TMEM132C: variants seen among roughly 807,000 people sequenced by gnomAD.
The protein encoded by TMEM132C is transmembrane protein 132C, also known as protein phosphatase 1, regulatory subunit 152.
A neutral mutation model predicts 61.4 loss-of-function variants in TMEM132C; 29 were observed. That is an observed-to-expected ratio of 0.47 (90% CI 0.35 to 0.64). The LOEUF is 0.64. Among genes scored for constraint, TMEM132C ranks in the 30% least tolerant of loss-of-function variants. TMEM132C has a pLI of 0.00. For synonymous variants in TMEM132C, 656 were observed against 633.1 expected (o/e 1.04, Z -0.54); for missense variants, 1,408 against 1,476.9 (o/e 0.95, Z 0.76).
intron 3 of TMEM132C, among the ~76,000 whole-genome samples, chr12:128,557,906 G>A (rs1874381654): frequency 6.6e-6 from 1 of 152,214 alleles, no homozygotes; most frequent in African/African-American, 2.4e-5. Flanking sequence ...ACTCCACAAA[G>A]CAATATGGCG....
At chr12:128,655,032 T>C (rs7959163) in intron 4 of TMEM132C, among the ~76,000 whole-genome samples, 50,116 of 151,934 alleles carry the variant, frequency 0.33, 11,108 homozygotes, top group African/African-American at 0.63. Context: ...TTGTTAGTGT[T>C]GTCATCAGCA....
intron 2 of TMEM132C, among the ~76,000 whole-genome samples, chr12:128,418,568 A>G (rs1868863530): frequency 6.6e-6 from 1 of 152,230 alleles, no homozygotes; most frequent in Admixed American, 6.5e-5. Flanking sequence ...TTAAATAATT[A>G]CAGATTTGTA....
chr12:128,275,035 A>C (rs1023565182), intron 1 of TMEM132C, among the ~76,000 whole-genome samples: 2 of 152,214 alleles, frequency 1.3e-5, no homozygotes, highest in African/African-American at 4.8e-5. Context: ...TACTAAAAGA[A>C]GGTGTGATGG....
intron 1 of TMEM132C, among the ~76,000 whole-genome samples, chr12:128,343,152 G>A (rs1043242462): frequency 6.6e-6 from 1 of 152,032 alleles, no homozygotes; most frequent in Non-Finnish European, 1.5e-5. Context: ...GTGGCCAGGT[G>A]CGATGGCTCA....
chr12:128,544,718 A>C (rs368442825), intron 3 of TMEM132C, among the ~76,000 whole-genome samples: 1 of 152,350 alleles, frequency 6.6e-6, no homozygotes. Flanking sequence ...ATTTCCTTCC[A>C]GGGTGTTATA....
chr12:128,452,578 TGGG>T (rs1409863339), intron 2 of TMEM132C, among the ~76,000 whole-genome samples: 1 of 74,620 alleles, frequency 1.3e-5, no homozygotes, highest in African/African-American at 5.4e-5. Flanking sequence ...CTGCTGTTGG[TGGG>T]GGGGTTGTAG....
chr12:128,382,124 G>T (rs574961002), intron 1 of TMEM132C, among the ~76,000 whole-genome samples: 1 of 151,098 alleles, frequency 6.6e-6, no homozygotes. Flanking sequence ...ACCCACTGCC[G>T]CTCTGTAATA....
chr12:128,457,288 T>C (rs2136064214), intron 2 of TMEM132C, among the ~76,000 whole-genome samples: 1 of 149,680 alleles, frequency 6.7e-6, no homozygotes, highest in South Asian at 2.1e-4. Flanking sequence ...TCATCAAAAT[T>C]TGAGATTCTC....
rs936479300 is a variant in TMEM132C, at chr12:128,653,124, A to T, written c.1306-16293A>T. Among the ~76,000 whole-genome samples, 23 of 152,190 alleles carry T rather than the reference A, an allele frequency of 1.5e-4. 1 individual carries two copies. The highest frequency in any genetic ancestry group is 5.3e-4 in the African/African-American group (22 of 41,452). Reference sequence around the variant, plus strand: ...AAGGAAGGAAGGACCAATCCATGCTACCACGTGGACGAACCTTGAAAATAT... The same window carrying T: ...AAGGAAGGAAGGACCAATCCATGCTTCCACGTGGACGAACCTTGAAAATAT... On this transcript the variant is annotated intron_variant, in intron 4 of 8. Coordinates refer to ENST00000435159, the MANE Select transcript of TMEM132C (RefSeq NM_001136103.3).
rs760271098 is a variant in TMEM132C, at chr12:128,278,689, T to C, written c.85+11202T>C. Among the ~76,000 whole-genome samples the C allele has an allele frequency of 9.2e-5, 14 of 152,178 alleles. No homozygotes were observed. Among genetic ancestry groups the C allele is most frequent in the Non-Finnish European group, 1.6e-4 (11 of 68,028 alleles). ...AGGGTGTCCATGATGACTAAGTTTT[T>C]GTCTTAACTTGTGTGGGCCACGGTT... On this transcript the variant is annotated intron_variant, in intron 1 of 8. Coordinates refer to ENST00000435159, the MANE Select transcript of TMEM132C (RefSeq NM_001136103.3). This position sits in a 1 kb window ranked among gnomAD's most constrained non-coding sequence, Gnocchi z 4.2.
At chr12:128,449,155 A>G (rs1252272610) in intron 2 of TMEM132C, among the ~76,000 whole-genome samples, 2 of 151,544 alleles carry the variant, frequency 1.3e-5, no homozygotes, top group East Asian at 3.9e-4. Flanking sequence ...AAAAAAAAAA[A>G]AAAAAGAAAT....
intron 1 of TMEM132C, among the ~76,000 whole-genome samples, chr12:128,291,906 T>C (rs562457886): frequency 6.6e-6 from 1 of 152,288 alleles, no homozygotes; most frequent in East Asian, 1.9e-4. Flanking sequence ...GGCCAGGGCG[T>C]CTCAGGAACC....
chr12:128,470,191 G>A (rs1470219719), intron 2 of TMEM132C, among the ~76,000 whole-genome samples: 4 of 152,268 alleles, frequency 2.6e-5, no homozygotes, highest in Non-Finnish European at 1.5e-5. Flanking sequence ...TCATTTTTGC[G>A]GGGTGATAAG....
At chr12:128,649,231 G>A (rs981031992) in intron 4 of TMEM132C, among the ~76,000 whole-genome samples, 3 of 152,156 alleles carry the variant, frequency 2.0e-5, no homozygotes, top group Non-Finnish European at 4.4e-5. Context: ...TGCAAAGTGC[G>A]GTGCAGGTCA....
intron 2 of TMEM132C, among the ~76,000 whole-genome samples, chr12:128,508,873 C>T (rs1593079037): frequency 1.3e-5 from 2 of 152,180 alleles, no homozygotes; most frequent in Non-Finnish European, 2.9e-5. Flanking sequence ...CATGTCATGT[C>T]GTGTCATGTC....
intron 5 of TMEM132C, among the ~76,000 whole-genome samples, chr12:128,679,608 T>C (rs4075243): frequency 0.88 from 133,917 of 152,242 alleles, 58,974 homozygotes; most frequent in South Asian, 0.93. Context: ...CAGTAACATC[T>C]TGCTTTACAG....
chr12:128,604,985 C>T (rs111498929), intron 3 of TMEM132C, among the ~76,000 whole-genome samples: 1,003 of 9,400 alleles, frequency 0.11, 8 homozygotes, highest in South Asian at 0.27. Flanking sequence ...GATGGATGGA[C>T]GGATGGATAG....
intron 3 of TMEM132C, among the ~76,000 whole-genome samples, chr12:128,608,194 A>G (rs1225666814): frequency 6.6e-6 from 1 of 151,984 alleles, no homozygotes. Context: ...CTTGGTGGGT[A>G]GTCGCTACCA....
chr12:128,703,193 T>G (rs1352945865), intron 8 of TMEM132C, among the ~76,000 whole-genome samples: 1 of 152,222 alleles, frequency 6.6e-6, no homozygotes, highest in Non-Finnish European at 1.5e-5. Flanking sequence ...AGGTTTGTCA[T>G]GTAGCTACAC....
Sources: gnomAD v4.1 joint callset for allele counts (sites outside exome capture counted in the v4.1 genomes callset) on GRCh38, gnomAD v4.1.1 for gene constraint, Gnocchi (gnomAD v3.1) non-coding constraint, MANE v1.5 for transcripts, NCBI Gene and HGNC (gene_info 2026-07-23, HGNC 2026-07-21) for gene names.